The following ALK variants were observed in gnomAD, a reference collection of about 807,000 sequenced individuals.
ALK encodes the protein ALK tyrosine kinase receptor.
Under a neutral mutation model 163.1 loss-of-function variants are expected in ALK, and 74 were observed. The observed-to-expected ratio is 0.45, with a 90% CI of 0.38 to 0.55. ALK has a LOEUF of 0.55. Ranked by LOEUF, ALK falls within the 20% of genes least tolerant of loss-of-function variation. ALK has a pLI of 0.00. For missense variants in ALK, 2,063 were observed against 2,105.3 expected (o/e 0.98, Z 0.39); for synonymous variants, 960 against 843.2 (o/e 1.14, Z -2.40).
chr2:29,641,487 C>T (rs1478125874), intron 3 of ALK, among the ~76,000 whole-genome samples: 1 of 152,100 alleles, frequency 6.6e-6, no homozygotes, highest in East Asian at 1.9e-4. Context: ...AACAGGGGCC[C>T]TGAGACAGAC....
chr2:29,567,631 CT>C (rs1363939638), intron 3 of ALK, among the ~76,000 whole-genome samples: 1 of 152,108 alleles, frequency 6.6e-6, no homozygotes, highest in Non-Finnish European at 1.5e-5. Context: ...ATGCTTGCTC[CT>C]TTTGGGGTAT....
Position 29,222,249 on chromosome 2 carries a change from C to T in ALK, c.3515+95G>A, listed in dbSNP as rs1029290315. 1.8e-5 allele frequency: 21 copies of T among 1,146,960 alleles called. No individual in the cohort carries two copies. In the African/African-American group the frequency reaches 2.1e-4, roughly 12 times the overall value. 71.0% of individuals were successfully genotyped at this position (1,146,960 alleles called of 1,614,324 possible). A position where few individuals can be genotyped will look rare whatever the true frequency, so the allele number is the denominator to read the frequency against. On this transcript the variant is annotated intron_variant, in intron 22 of 28. Coordinates refer to ENST00000389048, the MANE Select transcript of ALK (RefSeq NM_004304.5). ...AAAAGGGGACATGCTAGGGACAACA[C>T]GATTTCCCTTGGAGATATCGATCTG...
intron 3 of ALK, among the ~76,000 whole-genome samples, chr2:29,576,352 G>A (rs1339386266): frequency 2.0e-5 from 3 of 152,154 alleles, no homozygotes; most frequent in East Asian, 1.9e-4. Flanking sequence ...CCATGCTGCC[G>A]GCCCGTCTGG....
intron 6 of ALK, among the ~76,000 whole-genome samples, chr2:29,322,127 G>A (rs1667074260): frequency 6.6e-6 from 1 of 152,248 alleles, no homozygotes; most frequent in Admixed American, 6.5e-5. Context: ...CCATGTGGGA[G>A]GAAAGAAGCT....
intron 1 of ALK, among the ~76,000 whole-genome samples, chr2:29,866,236 G>A (rs1400191972): frequency 6.6e-6 from 1 of 152,172 alleles, no homozygotes; most frequent in Non-Finnish European, 1.5e-5. Context: ...TCCCTCAAGA[G>A]ATAGGTACTT....
At chr2:29,466,253 C>G (rs1319903718) in intron 4 of ALK, among the ~76,000 whole-genome samples, 1 of 152,098 alleles carries the variant, frequency 6.6e-6, no homozygotes, top group Non-Finnish European at 1.5e-5. Flanking sequence ...AGAAAAGAAT[C>G]TCCCAAGCCT....
intron 4 of ALK, among the ~76,000 whole-genome samples, chr2:29,453,552 T>C (rs1444170656): frequency 1.3e-5 from 2 of 151,944 alleles, no homozygotes; most frequent in African/African-American, 2.4e-5. Context: ...AAAAAGTTTC[T>C]TTTTTTTGAA....
At chr2:29,846,344 C>T (rs1172710782) in intron 1 of ALK, among the ~76,000 whole-genome samples, 1 of 152,196 alleles carries the variant, frequency 6.6e-6, no homozygotes, top group Non-Finnish European at 1.5e-5. Context: ...TCCTACTGTC[C>T]TAGAACCCCG....
At chr2:29,311,968 G>A (rs1487939562) in intron 8 of ALK, among the ~76,000 whole-genome samples, 1 of 152,066 alleles carries the variant, frequency 6.6e-6, no homozygotes, top group Non-Finnish European at 1.5e-5. Flanking sequence ...AGGAGCTGGT[G>A]GAGATGGTGG....
intron 1 of ALK, among the ~76,000 whole-genome samples, chr2:29,889,854 T>A (rs762612469): frequency 6.6e-6 from 1 of 152,068 alleles, no homozygotes; most frequent in Non-Finnish European, 1.5e-5. Flanking sequence ...AGTCATTTCA[T>A]CTCTTTATGA....
intron 3 of ALK, among the ~76,000 whole-genome samples, chr2:29,603,865 C>A (rs1324871906): frequency 1.3e-5 from 2 of 152,186 alleles, no homozygotes; most frequent in Admixed American, 1.3e-4. Context: ...TGGCTAAATC[C>A]TTAAATCTTT....
At chr2:29,820,565 C>A (rs1350016972) in intron 1 of ALK, among the ~76,000 whole-genome samples, 2 of 152,110 alleles carry the variant, frequency 1.3e-5, no homozygotes, top group Non-Finnish European at 2.9e-5. Context: ...TTTCTGAAAG[C>A]CTGAGCAATG....
intron 1 of ALK, among the ~76,000 whole-genome samples, chr2:29,749,966 AG>A (rs1206193621): frequency 6.6e-6 from 1 of 152,242 alleles, no homozygotes; most frequent in Non-Finnish European, 1.5e-5. Flanking sequence ...CATTATCTCA[AG>A]AGCAGCATTA....
At chr2:29,702,754 AGT>A (rs1261857776) in intron 2 of ALK, among the ~76,000 whole-genome samples, 1 of 152,232 alleles carries the variant, frequency 6.6e-6, no homozygotes, top group Non-Finnish European at 1.5e-5. Flanking sequence ...AGCAGGCAAG[AGT>A]GTGTGTGCAG....
At chr2:29,774,768 A>T (rs1681125327) in intron 1 of ALK, among the ~76,000 whole-genome samples, 1 of 152,196 alleles carries the variant, frequency 6.6e-6, no homozygotes, top group Non-Finnish European at 1.5e-5. Context: ...ACAAAGATGG[A>T]TACTGACACC....
intron 1 of ALK, among the ~76,000 whole-genome samples, chr2:29,748,333 C>T (rs1404051673): frequency 6.6e-6 from 1 of 152,160 alleles, no homozygotes; most frequent in Non-Finnish European, 1.5e-5. Context: ...GGTGTGTTGA[C>T]TAAACTATGA....
chr2:29,584,095 G>C (rs973733728), intron 3 of ALK, among the ~76,000 whole-genome samples: 1 of 152,024 alleles, frequency 6.6e-6, no homozygotes, highest in African/African-American at 2.4e-5. Flanking sequence ...GTGTTCAAGA[G>C]AGCCCCCTGA....
chr2:29,544,868 G>A (rs1440135235), intron 3 of ALK, among the ~76,000 whole-genome samples: 6 of 152,144 alleles, frequency 3.9e-5, no homozygotes, highest in South Asian at 2.1e-4. Context: ...TAGCTTAATC[G>A]CTTGTTGTAC....
intron 4 of ALK, among the ~76,000 whole-genome samples, chr2:29,508,194 C>A (rs978851841): frequency 1.3e-5 from 2 of 152,080 alleles, no homozygotes; most frequent in Non-Finnish European, 2.9e-5. Flanking sequence ...ACACGTGGAC[C>A]CTCTGAAACT....
Sources: allele counts gnomAD v4.1 joint callset (sites outside exome capture counted in the v4.1 genomes callset), GRCh38; gene constraint gnomAD v4.1.1; transcripts MANE v1.5; gene names NCBI Gene and HGNC (gene_info 2026-07-23, HGNC 2026-07-21).